The following C8orf34 variants were observed in gnomAD, a reference collection of about 807,000 sequenced individuals.
C8orf34 encodes the protein chromosome 8 open reading frame 34, also known as uncharacterized protein C8orf34.
A neutral mutation model predicts 68.3 loss-of-function variants in C8orf34; 65 were observed. The ratio of observed to expected loss-of-function variants is 0.95; its 90% CI spans 0.78 to 1.17. C8orf34 has a LOEUF of 1.17. Among genes scored for constraint, C8orf34 ranks in the 50% most tolerant of loss-of-function variants. The pLI, the probability that C8orf34 is intolerant of heterozygous loss-of-function variation, is 0.00. For synonymous variants in C8orf34, 244 were observed against 241.2 expected, an observed-to-expected ratio of 1.01 and a Z score of -0.11; for missense variants, 664 against 655.4, an observed-to-expected ratio of 1.01 and a Z score of -0.14.
At chr8:68,640,144 A>G (rs1818961331) in intron 7 of C8orf34, among the ~76,000 whole-genome samples, 1 of 152,184 alleles carries the variant, frequency 6.6e-6, no homozygotes, top group Non-Finnish European at 1.5e-5. Flanking sequence ...CCCACTCTCC[A>G]TATATTCAGT....
intron 7 of C8orf34, among the ~76,000 whole-genome samples, chr8:68,600,322 C>T (rs2130488168): frequency 6.6e-6 from 1 of 152,172 alleles, no homozygotes; most frequent in African/African-American, 2.4e-5. Context: ...CACTGAGCAC[C>T]ACATCAGATG....
intron 10 of C8orf34, among the ~76,000 whole-genome samples, chr8:68,723,063 AAC>A (rs1161321731): frequency 6.6e-6 from 1 of 152,042 alleles, no homozygotes; most frequent in African/African-American, 2.4e-5. Flanking sequence ...AAAGTTAAAA[AAC>A]AGTGATATCA....
intron 10 of C8orf34, among the ~76,000 whole-genome samples, chr8:68,734,767 T>C (rs1822077536): frequency 1.3e-5 from 2 of 152,192 alleles, no homozygotes; most frequent in African/African-American, 4.8e-5. Context: ...TGCACTCTTA[T>C]TTGTCCACAT....
Position 68,750,200 on chromosome 8 carries a change from A to G in C8orf34, c.1405-26199A>G, listed in dbSNP as rs1427821185. Among the ~76,000 whole-genome samples, 4 of 152,312 alleles carry G rather than the reference A, an allele frequency of 2.6e-5. No homozygotes were observed. The East Asian group carries it at 7.7e-4, about 29-fold the overall frequency. ...TTCATAGCAACACTATTCATAATAA[A>G]CAAGAGCTGTAAATAACCCAACATA... On this transcript the variant is annotated intron_variant, in intron 10 of 13. Coordinates refer to ENST00000518698, the MANE Select transcript of C8orf34 (RefSeq NM_052958.4).
At chr8:68,550,080 T>C (rs1816015194) in intron 7 of C8orf34, among the ~76,000 whole-genome samples, 1 of 151,804 alleles carries the variant, frequency 6.6e-6, no homozygotes, top group Non-Finnish European at 1.5e-5. Context: ...CCATTAACAT[T>C]TAAAGTAATT....
chr8:68,639,588 C>T (rs1468881230), intron 7 of C8orf34, among the ~76,000 whole-genome samples: 5 of 152,008 alleles, frequency 3.3e-5, no homozygotes, highest in Admixed American at 6.6e-5. Context: ...TATGATTTAT[C>T]TTTTGAAACT....
chr8:68,451,452 A>C (rs182183452), intron 3 of C8orf34, among the ~76,000 whole-genome samples: 3 of 152,268 alleles, frequency 2.0e-5, no homozygotes, highest in African/African-American at 7.2e-5. Flanking sequence ...CACTAAGCTT[A>C]ATCATTTCTA....
intron 6 of C8orf34, among the ~76,000 whole-genome samples, chr8:68,531,307 G>A (rs575811592): frequency 1.1e-4 from 17 of 151,824 alleles, no homozygotes; most frequent in Non-Finnish European, 2.2e-4. Flanking sequence ...TTTTTATCTA[G>A]CATCTAATAA....
chr8:68,414,052 T>C (rs972461160), intron 1 of C8orf34, among the ~76,000 whole-genome samples: 1 of 152,192 alleles, frequency 6.6e-6, no homozygotes, highest in Non-Finnish European at 1.5e-5. Flanking sequence ...CTATTCTCTC[T>C]GTCTGGAATG....
At chr8:68,456,437 A>T (rs970464806) in intron 3 of C8orf34, among the ~76,000 whole-genome samples, 4 of 152,200 alleles carry the variant, frequency 2.6e-5, no homozygotes, top group African/African-American at 9.7e-5. Flanking sequence ...TAGAACAGTG[A>T]CAAACACATA....
chr8:68,719,930 T>C (rs1324779873), intron 9 of C8orf34, among the ~76,000 whole-genome samples: 3 of 152,012 alleles, frequency 2.0e-5, no homozygotes, highest in Non-Finnish European at 4.4e-5. Flanking sequence ...TTCTGCAGAA[T>C]ATAATTCAGT....
chr8:68,710,380 T>A (rs1821297448), intron 9 of C8orf34, among the ~76,000 whole-genome samples: 1 of 152,082 alleles, frequency 6.6e-6, no homozygotes, highest in Non-Finnish European at 1.5e-5. Flanking sequence ...AATAAACTCA[T>A]TGCTGTTGAG....
chr8:68,572,372 A>C (rs1461504825), intron 7 of C8orf34, among the ~76,000 whole-genome samples: 3 of 151,970 alleles, frequency 2.0e-5, no homozygotes, highest in Admixed American at 2.0e-4. Context: ...TATTAACACT[A>C]CATACTACCT....
chr8:68,768,750 A>T (rs940757484), intron 10 of C8orf34, among the ~76,000 whole-genome samples: 4 of 152,154 alleles, frequency 2.6e-5, no homozygotes, highest in Non-Finnish European at 4.4e-5. Flanking sequence ...ATGTCATAGG[A>T]TATAGCCTCT....
chr8:68,494,093 A>G (rs1170582915), intron 5 of C8orf34, among the ~76,000 whole-genome samples: 1 of 152,214 alleles, frequency 6.6e-6, no homozygotes, highest in African/African-American at 2.4e-5. Context: ...ATTATTCACA[A>G]TGACCAAGAG....
chr8:68,489,349 GATAGAAAGT>G (rs1249504605), intron 5 of C8orf34, among the ~76,000 whole-genome samples: 2 of 152,126 alleles, frequency 1.3e-5, no homozygotes. Context: ...CATAAAAAAT[GATAGAAAGT>G]ATTGTACAGG....
chr8:68,535,041 T>G (rs1815403464), intron 7 of C8orf34: 4 of 985,318 alleles, frequency 4.1e-6, no homozygotes, highest in Admixed American at 6.2e-5. Context: ...TGTAATAATG[T>G]TGGTCTCTAG....
At chr8:68,423,313 C>T (rs1355116014) in intron 1 of C8orf34, among the ~76,000 whole-genome samples, 1 of 152,156 alleles carries the variant, frequency 6.6e-6, no homozygotes, top group Non-Finnish European at 1.5e-5. Context: ...CTCTCAAGTT[C>T]AGAGTTCCAC....
intron 1 of C8orf34, among the ~76,000 whole-genome samples, chr8:68,395,639 G>A (rs1354091043): frequency 6.6e-6 from 1 of 152,162 alleles, no homozygotes; most frequent in Non-Finnish European, 1.5e-5. Flanking sequence ...AGTTTAGAAT[G>A]TATGAAAGCT....
Sources: allele counts gnomAD v4.1 joint callset (sites outside exome capture counted in the v4.1 genomes callset), GRCh38; gene constraint gnomAD v4.1.1; transcripts MANE v1.5; gene names NCBI Gene and HGNC (gene_info 2026-07-23, HGNC 2026-07-21).